Variants in COL5A2 observed in about 807,000 individuals in gnomAD.
COL5A2 encodes the protein collagen alpha-2(V) chain.
In COL5A2, 23 loss-of-function variants were observed where a neutral mutation model predicts 208.2. The observed-to-expected ratio is 0.11, with a 90% CI of 0.08 to 0.16. The LOEUF (loss-of-function observed/expected upper bound fraction) is 0.16, where lower values mean the gene tolerates loss of function less well. Ranked by LOEUF, COL5A2 falls within the 10% of genes least tolerant of loss-of-function variation. The probability of loss-of-function intolerance (pLI) is 1.00; values close to 1 mark genes in which losing one functional copy is unlikely to be tolerated. For synonymous variants in COL5A2, 625 were observed against 628.5 expected (o/e 0.99, Z 0.08); for missense variants, 1,590 against 1,956.4 (o/e 0.81, Z 3.53).
At chr2:189,181,162 C>G (rs1167082063), upstream of COL5A2, among the ~76,000 whole-genome samples, 4 of 152,144 alleles carry the variant, frequency 2.6e-5, no homozygotes. Flanking sequence ...ATTAGGCAAG[C>G]AAGACATTAT....
intron 1 of COL5A2, among the ~76,000 whole-genome samples, chr2:189,118,853 T>C (rs1460244398): frequency 6.6e-6 from 1 of 152,128 alleles, no homozygotes; most frequent in Non-Finnish European, 1.5e-5. Context: ...AAGTAAGTGA[T>C]TTTGCTGAAG....
chr2:189,432,334 T>A, the COL5A2 span, among the ~76,000 whole-genome samples: 16 of 152,262 alleles, frequency 1.1e-4, 1 homozygote, highest in South Asian at 3.3e-3. Context: ...CATAATTATA[T>A]TAACGTTAAA....
At chr2:189,177,104 G>GA in intron 1 of COL5A2, among the ~76,000 whole-genome samples, 1 of 151,830 alleles carries the variant, frequency 6.6e-6, no homozygotes, top group Non-Finnish European at 1.5e-5. Flanking sequence ...TAAAAAGAAA[G>GA]AAAAAAATAA....
At chr2:189,256,944 T>C in the COL5A2 span, among the ~76,000 whole-genome samples, 5 of 152,338 alleles carry the variant, frequency 3.3e-5, no homozygotes, top group East Asian at 9.7e-4. Context: ...CTCATACTTT[T>C]ATACCTGCAT....
At chr2:189,053,393 T>C (rs766892900) in intron 38 of COL5A2, 31 bp downstream of exon 38, 8 of 1,584,482 alleles carry the variant, frequency 5.0e-6, no homozygotes, top group Non-Finnish European at 4.3e-6. Flanking sequence ...TAAGTGTTTA[T>C]TTGTAAATTA....
At chr2:189,390,303 C>T in the COL5A2 span, among the ~76,000 whole-genome samples, 1 of 152,106 alleles carries the variant, frequency 6.6e-6, no homozygotes, top group South Asian at 2.1e-4. Flanking sequence ...AACATACCTA[C>T]ATGGTTGATC....
chr2:189,072,765 CA>C (rs58636533), intron 17 of COL5A2, among the ~76,000 whole-genome samples: 2,025 of 67,510 alleles, frequency 0.03, 26 homozygotes, highest in African/African-American at 0.097. Context: ...ACTCCATCTC[CA>C]AAAAAAAAAA....
the COL5A2 span, among the ~76,000 whole-genome samples, chr2:189,333,055 C>CAT: frequency 6.6e-6 from 1 of 152,048 alleles, no homozygotes; most frequent in Non-Finnish European, 1.5e-5. Flanking sequence ...TTACATAAAG[C>CAT]ATATCTCACA....
the COL5A2 span, among the ~76,000 whole-genome samples, chr2:189,249,923 C>T: frequency 2.0e-5 from 3 of 152,196 alleles, no homozygotes; most frequent in African/African-American, 7.2e-5. Context: ...GTCTCAAACT[C>T]GTGACCTCAG....
chr2:189,317,398 A>G, the COL5A2 span, among the ~76,000 whole-genome samples: 7 of 152,214 alleles, frequency 4.6e-5, no homozygotes, highest in East Asian at 3.9e-4. Context: ...CTTCTCTGAA[A>G]GCAAGAGTTG....
chr2:189,038,443 T>C (rs928184680), intron 51 of COL5A2, among the ~76,000 whole-genome samples: 2 of 152,198 alleles, frequency 1.3e-5, no homozygotes, highest in Non-Finnish European at 2.9e-5. Flanking sequence ...GATGGGCATC[T>C]GGGTCAATTT....
At chr2:189,392,528 A>G in the COL5A2 span, among the ~76,000 whole-genome samples, 3,657 of 152,218 alleles carry the variant, frequency 0.024, 158 homozygotes, top group African/African-American at 0.084. Context: ...TTAACTTTAT[A>G]GGACAAATAT....
the COL5A2 span, among the ~76,000 whole-genome samples, chr2:189,381,673 G>A: frequency 1.3e-5 from 2 of 151,930 alleles, no homozygotes; most frequent in African/African-American, 4.8e-5. Flanking sequence ...ATAAATACTT[G>A]CGGTATGTTA....
chr2:189,280,111 T>TAAG, the COL5A2 span, among the ~76,000 whole-genome samples: 1 of 152,158 alleles, frequency 6.6e-6, no homozygotes, highest in African/African-American at 2.4e-5. Context: ...CATGCTCTTG[T>TAAG]ACTTCCCAAC....
intron 1 of COL5A2, among the ~76,000 whole-genome samples, chr2:189,166,288 G>A (rs575400211): frequency 7.9e-5 from 12 of 152,082 alleles, no homozygotes; most frequent in South Asian, 2.1e-4. Context: ...CTACCCAGGT[G>A]TGACTTGAAA....
chr2:189,184,727 C>G (rs1688825265), upstream of COL5A2, among the ~76,000 whole-genome samples: 1 of 152,190 alleles, frequency 6.6e-6, no homozygotes, highest in South Asian at 2.1e-4. Flanking sequence ...ATCTCAAAGT[C>G]TTTAATCACA....
At chr2:189,196,698 T>G (rs188219751) in intron 1 of COL5A2, among the ~76,000 whole-genome samples, 3 of 152,242 alleles carry the variant, frequency 2.0e-5, no homozygotes, top group Admixed American at 1.3e-4. Context: ...AAATGATCTT[T>G]GTTGATGGAA....
chr2:189,282,199 AAT>A, the COL5A2 span, among the ~76,000 whole-genome samples: 16 of 151,200 alleles, frequency 1.1e-4, no homozygotes, highest in African/African-American at 2.2e-4. Flanking sequence ...TATATAAATA[AAT>A]ATATATATAT....
At chr2:189,088,312 A>G (rs749208417) in intron 8 of COL5A2, among the ~76,000 whole-genome samples, 21 of 152,216 alleles carry the variant, frequency 1.4e-4, no homozygotes, top group Non-Finnish European at 2.4e-4. Context: ...AAAATAGCAA[A>G]ACATCTCATT....
Sources: allele counts gnomAD v4.1 joint callset (sites outside exome capture counted in the v4.1 genomes callset), GRCh38; gene constraint gnomAD v4.1.1; transcripts MANE v1.5; gene names NCBI Gene and HGNC (gene_info 2026-07-23, HGNC 2026-07-21).